The following CNTNAP5 variants were observed in gnomAD, a reference collection of about 807,000 sequenced individuals.
The protein encoded by CNTNAP5 is contactin associated protein family member 5.
A neutral mutation model predicts 150.2 loss-of-function variants in CNTNAP5; 72 were observed. That is an observed-to-expected ratio of 0.48 (90% CI 0.40 to 0.58). The LOEUF is 0.58. CNTNAP5 is among the 20% of genes least tolerant of loss of function. CNTNAP5 has a pLI of 0.00. For synonymous variants in CNTNAP5, 672 were observed against 619.8 expected, an observed-to-expected ratio of 1.08 and a Z score of -1.25; for missense variants, 1,636 against 1,626.2, an observed-to-expected ratio of 1.01 and a Z score of -0.10.
chr2:124,689,711 T>A (rs1277445766), intron 13 of CNTNAP5, among the ~76,000 whole-genome samples: 3 of 151,990 alleles, frequency 2.0e-5, no homozygotes, highest in Non-Finnish European at 4.4e-5. Flanking sequence ...CAGAGGTGAG[T>A]CAGTATCTCT....
intron 1 of CNTNAP5, among the ~76,000 whole-genome samples, chr2:124,193,020 C>T (rs1019954693): frequency 3.9e-5 from 6 of 152,218 alleles, no homozygotes; most frequent in Admixed American, 2.0e-4. Context: ...CAGGTCTTCT[C>T]TGGCTTGTGG....
At chr2:124,552,693 A>T (rs1300209924) in intron 10 of CNTNAP5, among the ~76,000 whole-genome samples, 2 of 152,328 alleles carry the variant, frequency 1.3e-5, no homozygotes, top group East Asian at 3.9e-4. Context: ...ATGTATGCAC[A>T]CATGCATATA....
intron 19 of CNTNAP5, among the ~76,000 whole-genome samples, chr2:124,835,296 A>G (rs548572118): frequency 6.6e-6 from 1 of 152,228 alleles, no homozygotes; most frequent in African/African-American, 2.4e-5. Context: ...CCCAAATGTT[A>G]TGATCATTTG....
chr2:124,311,580 G>A (rs1688833678), intron 3 of CNTNAP5, among the ~76,000 whole-genome samples: 1 of 152,088 alleles, frequency 6.6e-6, no homozygotes, highest in Non-Finnish European at 1.5e-5. Context: ...TCACATTGGG[G>A]GCTAAGGTTT....
At chr2:124,240,513 A>G (rs1686858237) in intron 2 of CNTNAP5, among the ~76,000 whole-genome samples, 1 of 152,158 alleles carries the variant, frequency 6.6e-6, no homozygotes, top group Non-Finnish European at 1.5e-5. Context: ...ACTACCAAAG[A>G]AGGAAGAGAG....
chr2:124,244,212 G>A (rs897753758), intron 3 of CNTNAP5, among the ~76,000 whole-genome samples: 1 of 152,138 alleles, frequency 6.6e-6, no homozygotes. Flanking sequence ...GGGGCACAAA[G>A]CCTCTTTCAC....
In CNTNAP5 at chr2:124,585,972, T is replaced by C. The variant is rs1696527333; in HGVS notation, c.1756+22649T>C. On this transcript the variant is annotated intron_variant, in intron 11 of 23. Transcript: ENST00000682447. Reference sequence around the variant, plus strand: ...CAAGGCTTACAAATATGAAACAAAGTGTGAACCTCCTCACACAGGATATGG... The same window carrying C: ...CAAGGCTTACAAATATGAAACAAAGCGTGAACCTCCTCACACAGGATATGG... 2.0e-5 allele frequency among the ~76,000 whole-genome samples: 3 copies of C among 152,226 alleles called. No homozygotes were observed. In the South Asian group the frequency reaches 6.2e-4, roughly 32 times the overall value.
chr2:124,187,227 T>A (rs1000080362), intron 1 of CNTNAP5, among the ~76,000 whole-genome samples: 1 of 152,194 alleles, frequency 6.6e-6, no homozygotes, highest in African/African-American at 2.4e-5. Context: ...TTCCAAGACA[T>A]GATTATGCTT....
At chr2:124,403,718 G>A (rs760107720) in intron 3 of CNTNAP5, among the ~76,000 whole-genome samples, 3 of 152,174 alleles carry the variant, frequency 2.0e-5, no homozygotes, top group Non-Finnish European at 4.4e-5. Context: ...AGGGCAAATC[G>A]TATTAGTCCG....
intron 8 of CNTNAP5, among the ~76,000 whole-genome samples, chr2:124,511,494 CTG>C (rs1347038168): frequency 1.3e-5 from 2 of 152,204 alleles, no homozygotes; most frequent in Admixed American, 6.5e-5. Context: ...GTCAGCCTAC[CTG>C]TGCTCTAATC....
At chr2:124,384,006 T>A (rs2104740883) in intron 3 of CNTNAP5, among the ~76,000 whole-genome samples, 1 of 152,310 alleles carries the variant, frequency 6.6e-6, no homozygotes, top group East Asian at 1.9e-4. Flanking sequence ...TATTGTCATT[T>A]CTTTTATTTC....
chr2:124,346,450 G>A (rs1008052299), intron 3 of CNTNAP5, among the ~76,000 whole-genome samples: 1 of 152,158 alleles, frequency 6.6e-6, no homozygotes, highest in Non-Finnish European at 1.5e-5. Context: ...ATACCAGTTA[G>A]CAACAGCCCA....
At chr2:124,358,364 G>T (rs1227990299) in intron 3 of CNTNAP5, among the ~76,000 whole-genome samples, 2 of 152,124 alleles carry the variant, frequency 1.3e-5, no homozygotes, top group Admixed American at 6.5e-5. Flanking sequence ...GTGAGAGAGG[G>T]CATCCCTGTC....
intron 1 of CNTNAP5, among the ~76,000 whole-genome samples, chr2:124,220,088 T>C (rs756027778): frequency 6.6e-6 from 1 of 152,072 alleles, no homozygotes; most frequent in Non-Finnish European, 1.5e-5. Context: ...TGCAGTTAGT[T>C]AAAATACTGC....
At chr2:124,136,228 G>T (rs899152199) in intron 1 of CNTNAP5, among the ~76,000 whole-genome samples, 1 of 152,144 alleles carries the variant, frequency 6.6e-6, no homozygotes, top group Non-Finnish European at 1.5e-5. Flanking sequence ...ATCAGAGAAA[G>T]CTTGAGAAAT....
chr2:124,493,922 G>A (rs1439460045), intron 7 of CNTNAP5, among the ~76,000 whole-genome samples: 1 of 149,966 alleles, frequency 6.7e-6, no homozygotes, highest in East Asian at 2.0e-4. Context: ...TGTTTTGTTT[G>A]TGGGCTAAAA....
chr2:124,217,282 T>C (rs899581212), intron 1 of CNTNAP5, among the ~76,000 whole-genome samples: 5 of 152,140 alleles, frequency 3.3e-5, no homozygotes, highest in Non-Finnish European at 4.4e-5. Context: ...CTTCACCCCT[T>C]CTTCTTTTCT....
chr2:124,705,325 C>T (rs976074260), intron 13 of CNTNAP5, among the ~76,000 whole-genome samples: 2 of 152,014 alleles, frequency 1.3e-5, no homozygotes, highest in East Asian at 1.9e-4. Flanking sequence ...GTCAGGAGTT[C>T]GAGACCAGCC....
chr2:124,740,951 CATTCCATGGAG>C (rs1680485739), intron 13 of CNTNAP5, among the ~76,000 whole-genome samples: 2 of 152,162 alleles, frequency 1.3e-5, no homozygotes, highest in African/African-American at 4.8e-5. Flanking sequence ...TTTCTGCACA[CATTCCATGGAG>C]CTACACAAGT....
Sources: allele counts gnomAD v4.1 joint callset (sites outside exome capture counted in the v4.1 genomes callset), GRCh38; gene constraint gnomAD v4.1.1; transcripts MANE v1.5; gene names NCBI Gene and HGNC (gene_info 2026-07-23, HGNC 2026-07-21).